The following SMIM23 variants were observed in gnomAD, a reference collection of about 807,000 sequenced individuals.
The protein encoded by SMIM23 is CTB-78H18.1.
A neutral mutation model predicts 12.8 loss-of-function variants in SMIM23; 10 were observed. The ratio of observed to expected loss-of-function variants is 0.78; its 90% CI spans 0.48 to 1.32. The LOEUF (loss-of-function observed/expected upper bound fraction) is 1.32. Among genes scored for constraint, SMIM23 ranks in the 40% most tolerant of loss-of-function variants. SMIM23 has a pLI of 0.00. For missense variants in SMIM23, 184 were observed against 198.2 expected (o/e 0.93, Z 0.43); for synonymous variants, 78 against 80.1 (o/e 0.97, Z 0.14).
rs1251210105 is a variant in SMIM23, at chr5:171,785,820, G to T, written c.-52G>T. On this transcript the variant is annotated 5_prime_UTR_variant, in exon 1 of 4. Transcript: ENST00000523047. The stretch of plus-strand genomic sequence containing the variant: ...TGACCACAGGTGGGGGAGGGGAAGG[G>T]TGCCCTTCTGTCTGTTGAGTGTGGT... 6 of 1,424,944 alleles carry T rather than the reference G, an allele frequency of 4.2e-6. No homozygotes were observed. The highest frequency in any genetic ancestry group is 5.7e-6 in the Non-Finnish European group (6 of 1,045,498). The allele number at this position is 1,424,944 out of a possible 1,614,324, so 88.3% of individuals were successfully genotyped here. A position where few individuals can be genotyped will look rare whatever the true frequency, so the allele number is the denominator to read the frequency against.
the SMIM23 span, chr5:171,774,855 C>T: frequency 2.9e-6 from 1 of 341,204 alleles, no homozygotes; most frequent in South Asian, 2.3e-5. Context: ...GTCTACAGGC[C>T]CACTCTGTTT....
chr5:171,783,684 C>T (rs1755763390), upstream of SMIM23, among the ~76,000 whole-genome samples: 1 of 152,060 alleles, frequency 6.6e-6, no homozygotes, highest in Non-Finnish European at 1.5e-5. Flanking sequence ...GAGCACAATT[C>T]ATAAAAGAAA....
chr5:171,788,563 A>G (rs1755861708), intron 1 of SMIM23, among the ~76,000 whole-genome samples: 1 of 152,204 alleles, frequency 6.6e-6, no homozygotes, highest in Non-Finnish European at 1.5e-5. Context: ...AAAGAATATT[A>G]AGGTAATATT....
Position 171,791,013 on chromosome 5 carries a change from G to A in SMIM23, c.444G>A (p.Trp148Ter), listed in dbSNP as rs1404211500. 3 of 1,535,010 alleles carry A rather than the reference G, an allele frequency of 2.0e-6. No individual in the cohort carries two copies. The highest frequency in any genetic ancestry group is 2.6e-6 in the Non-Finnish European group (3 of 1,146,848). ...CSTYKSHLWE[W>*]AWALGREHKG... Reference sequence around the variant, plus strand: ...CATATAAAAGTCACTTGTGGGAGTGGGCCTGGGCCCTGGGGAGAGAGCACA... The same window carrying A: ...CATATAAAAGTCACTTGTGGGAGTGAGCCTGGGCCCTGGGGAGAGAGCACA... The change falls in exon 4 of 4, where the codon TGG becomes TGA. Residue 148 changes from tryptophan (W) to a stop codon, truncating the protein, a stop_gained. Transcript: ENST00000523047. LOFTEE classifies it low-confidence loss of function (END_TRUNC).
upstream of SMIM23, chr5:171,782,725 A>G (rs1755750176): frequency 6.6e-6 from 1 of 152,268 alleles, no homozygotes; most frequent in Admixed American, 6.5e-5. Context: ...CAGAGCCTGC[A>G]GTTTGAGACC....
At chr5:171,789,577 A>G (rs1343681358) in intron 1 of SMIM23, among the ~76,000 whole-genome samples, 1 of 152,256 alleles carries the variant, frequency 6.6e-6, no homozygotes, top group Non-Finnish European at 1.5e-5. Flanking sequence ...TTCATATAAA[A>G]TAAATACTCA....
intron 2 of SMIM23, 43 bp downstream of exon 2, chr5:171,790,324 T>C: frequency 6.5e-7 from 1 of 1,530,656 alleles, no homozygotes; most frequent in South Asian, 1.2e-5. Flanking sequence ...CAAATCCACA[T>C]GAAGCTTGGT....
upstream of SMIM23, among the ~76,000 whole-genome samples, chr5:171,785,198 G>A (rs1275398001): frequency 6.6e-6 from 1 of 152,072 alleles, no homozygotes; most frequent in Non-Finnish European, 1.5e-5. Flanking sequence ...AAGTAACACT[G>A]GGGAAGTCTG....
chr5:171,781,642 T>A (rs1054568959), upstream of SMIM23, among the ~76,000 whole-genome samples: 2 of 152,104 alleles, frequency 1.3e-5, no homozygotes, highest in African/African-American at 4.8e-5. Context: ...TGGATATTTA[T>A]CCCAGACAAC....
At chr5:171,790,639 G>A in intron 3 of SMIM23, 90 bp downstream of exon 3, 1 of 1,400,432 alleles carries the variant, frequency 7.1e-7, no homozygotes, top group Non-Finnish European at 9.8e-7. Context: ...TGAAAGATAA[G>A]TAGTCGCTTG....
chr5:171,788,778 T>A (rs1348013235), intron 1 of SMIM23, among the ~76,000 whole-genome samples: 1 of 151,776 alleles, frequency 6.6e-6, no homozygotes, highest in Non-Finnish European at 1.5e-5. Flanking sequence ...GAGGAGGGAG[T>A]TCTTACCAAC....
chr5:171,779,706 A>C (rs1755694366), upstream of SMIM23, among the ~76,000 whole-genome samples: 1 of 152,046 alleles, frequency 6.6e-6, no homozygotes, highest in Non-Finnish European at 1.5e-5. Context: ...TTACTGGGAG[A>C]ATTAAATTGA....
At chr5:171,788,334 A>G (rs538528615) in intron 1 of SMIM23, among the ~76,000 whole-genome samples, 1 of 152,248 alleles carries the variant, frequency 6.6e-6, no homozygotes, top group South Asian at 2.1e-4. Context: ...TAAAGCAGAC[A>G]AACAATAAAA....
chr5:171,781,638 T>C (rs1220748706), upstream of SMIM23, among the ~76,000 whole-genome samples: 3 of 152,128 alleles, frequency 2.0e-5, no homozygotes, highest in Admixed American at 2.0e-4. Flanking sequence ...ACCCTGGATA[T>C]TTATCCCAGA....
Position 171,785,923 on chromosome 5 carries a change from G to A in SMIM23, c.52G>A (p.Ala18Thr), listed in dbSNP as rs1312116332. The change falls in exon 1 of 4, where the codon GCA becomes ACA. Residue 18 changes from alanine to threonine, a missense_variant. By Grantham distance (58) the Ala-to-Thr change is moderately conservative. Coordinates refer to ENST00000523047, the MANE Select transcript of SMIM23 (RefSeq NM_001289970.2). ...SRRQVAAEQV[A>T]AQLLERRRGS... ...AAGGCAGGTGGCAGCAGAGCAGGTG[G>A]CAGCCCAGCTGCTTGAACGGAGAAG... 6.5e-7 allele frequency: 1 copy of A among 1,536,234 alleles called. No individual in the cohort carries two copies. The highest frequency in any genetic ancestry group is 1.2e-5 in the South Asian group (1 of 84,062).
chr5:171,781,416 G>A (rs978124858), upstream of SMIM23, among the ~76,000 whole-genome samples: 1 of 152,170 alleles, frequency 6.6e-6, no homozygotes. Flanking sequence ...CCCCAGCTAT[G>A]TAACTGTCAT....
At chr5:171,790,733 G>A in intron 3 of SMIM23, 62 bp from the exon 4 acceptor site, 1 of 1,517,746 alleles carries the variant, frequency 6.6e-7, no homozygotes, top group Non-Finnish European at 8.8e-7. Context: ...AAACCAGTGG[G>A]GATGGGGAGG....
chr5:171,790,982 G>C lies in SMIM23; in HGVS notation c.413G>C (p.Cys138Ser), dbSNP rs894115659. The change falls in exon 4 of 4, where the codon TGC (cysteine) becomes TCC (serine). Residue 138 changes from cysteine to serine, a missense_variant. Coordinates refer to ENST00000523047, the MANE Select transcript of SMIM23 (RefSeq NM_001289970.2). ...LLGEPHQEEHCSTYKSHLWEW... is the reference protein window; with the variant it reads ...LLGEPHQEEHSSTYKSHLWEW... ...GGAGAGCCACACCAGGAGGAGCACT[G>C]CTCCACATATAAAAGTCACTTGTGG... The C allele has an allele frequency of 6.5e-7, 1 of 1,536,006 alleles. No individual in the cohort carries two copies.
chr5:171,790,357 A>C (rs1755898923), intron 2 of SMIM23, 76 bp downstream of exon 2: 1 of 1,514,508 alleles, frequency 6.6e-7, no homozygotes, highest in African/African-American at 1.4e-5. Context: ...AGATGGTTGT[A>C]TGTTAAGGGG....
Sources: allele counts gnomAD v4.1 joint callset (sites outside exome capture counted in the v4.1 genomes callset), GRCh38; gene constraint gnomAD v4.1.1; transcripts MANE v1.5; gene names NCBI Gene and HGNC (gene_info 2026-07-23, HGNC 2026-07-21).